The following SENP7 variants were observed in gnomAD, a reference collection of about 807,000 sequenced individuals.
SENP7 encodes the protein SUMO specific peptidase 7, also known as sentrin-specific protease 7.
Under a neutral mutation model 141.2 loss-of-function variants are expected in SENP7, and 64 were observed. That is an observed-to-expected ratio of 0.45 (90% CI 0.37 to 0.56). The LOEUF (loss-of-function observed/expected upper bound fraction) is 0.56, where lower values mean the gene tolerates loss of function less well. Ranked by LOEUF, SENP7 falls within the 20% of genes least tolerant of loss-of-function variation. The pLI, the probability that SENP7 is intolerant of heterozygous loss-of-function variation, is 0.00. For synonymous variants in SENP7, 382 were observed against 426.4 expected (o/e 0.90, Z 1.28); for missense variants, 1,025 against 1,212.2 (o/e 0.85, Z 2.29).
chr3:101,436,383 C>T (rs964675068), intron 4 of SENP7, among the ~76,000 whole-genome samples: 2 of 152,106 alleles, frequency 1.3e-5, no homozygotes, highest in Non-Finnish European at 1.5e-5. Flanking sequence ...TTCAGCAATA[C>T]CCCACAAGCA....
intron 4 of SENP7, among the ~76,000 whole-genome samples, chr3:101,422,215 T>G (rs1330844587): frequency 1.3e-5 from 2 of 152,040 alleles, no homozygotes. Context: ...GGTGGAACAG[T>G]TTCATGCCTA....
intron 4 of SENP7, among the ~76,000 whole-genome samples, chr3:101,445,904 G>A (rs1307552291): frequency 6.6e-6 from 1 of 152,104 alleles, no homozygotes; most frequent in African/African-American, 2.4e-5. Flanking sequence ...TATTATTAGA[G>A]TTAAAAAGAA....
chr3:101,328,637 T>C lies in SENP7; in HGVS notation c.2795+9A>G, dbSNP rs755912808. ...AAAAAACTGTATTATTATTACAGCA[T>C]GTACCTACCTTTTACACATTTTCTT... On this transcript the variant is annotated intron_variant, in intron 21 of 23. Coordinates refer to ENST00000394095, the MANE Select transcript of SENP7 (RefSeq NM_020654.5). 2 of 1,607,750 alleles carry C rather than the reference T, an allele frequency of 1.2e-6. No homozygotes were observed. The highest frequency in any genetic ancestry group is 1.7e-6 in the Non-Finnish European group (2 of 1,175,538).
chr3:101,354,376 T>C (rs2107292889), intron 11 of SENP7, among the ~76,000 whole-genome samples: 1 of 152,076 alleles, frequency 6.6e-6, no homozygotes, highest in East Asian at 1.9e-4. Flanking sequence ...TTAAGCCTAG[T>C]ACTCGATAGT....
chr3:101,413,962 G>T (rs2061528481), intron 5 of SENP7, among the ~76,000 whole-genome samples: 1 of 152,174 alleles, frequency 6.6e-6, no homozygotes, highest in Admixed American at 6.5e-5. Flanking sequence ...ATTGAAAGAT[G>T]TTAAACTAGT....
chr3:101,431,917 A>T (rs1015850107), intron 4 of SENP7, among the ~76,000 whole-genome samples: 1 of 152,202 alleles, frequency 6.6e-6, no homozygotes, highest in African/African-American at 2.4e-5. Flanking sequence ...CTTTGAAATT[A>T]AAAGGGGATT....
intron 6 of SENP7, among the ~76,000 whole-genome samples, chr3:101,380,008 G>C (rs879450769): frequency 6.6e-6 from 1 of 152,176 alleles, no homozygotes. Context: ...AGAACATTCT[G>C]ACACATGCTG....
chr3:101,363,803 T>A (rs1189482378), intron 10 of SENP7, among the ~76,000 whole-genome samples: 1 of 152,228 alleles, frequency 6.6e-6, no homozygotes, highest in Non-Finnish European at 1.5e-5. Context: ...CTCTTCACCA[T>A]ACTCTGCAAA....
At chr3:101,361,991 A>G in intron 10 of SENP7, 130 bp from the exon 11 acceptor site, 4 of 987,496 alleles carry the variant, frequency 4.1e-6, no homozygotes, top group Non-Finnish European at 5.6e-6. Flanking sequence ...TACTGTTCTT[A>G]CTGTGAAGAA....
At chr3:101,384,416 C>T (rs2107513446) in intron 6 of SENP7, among the ~76,000 whole-genome samples, 1 of 152,354 alleles carries the variant, frequency 6.6e-6, no homozygotes, top group Non-Finnish European at 1.5e-5. Flanking sequence ...CTAAGAGTTC[C>T]CCTAGCCAGG....
intron 5 of SENP7, among the ~76,000 whole-genome samples, chr3:101,416,628 AG>A (rs1445939122): frequency 7.9e-5 from 12 of 152,302 alleles, no homozygotes; most frequent in African/African-American, 2.9e-4. Context: ...AATTTATATC[AG>A]GTATGAGCTA....
At chr3:101,352,562 T>C (rs1044661323) in intron 11 of SENP7, among the ~76,000 whole-genome samples, 3 of 152,050 alleles carry the variant, frequency 2.0e-5, no homozygotes, top group Non-Finnish European at 2.9e-5. Context: ...AATAGGGTTG[T>C]GGAGCACCTA....
At chr3:101,442,537 GT>G (rs2062719147) in intron 4 of SENP7, among the ~76,000 whole-genome samples, 1 of 152,172 alleles carries the variant, frequency 6.6e-6, no homozygotes, top group African/African-American at 2.4e-5. Context: ...CTGCGGCCTG[GT>G]TCCTAACAGG....
intron 3 of SENP7, among the ~76,000 whole-genome samples, chr3:101,479,141 C>G (rs1003933776): frequency 3.3e-5 from 5 of 152,142 alleles, no homozygotes; most frequent in African/African-American, 1.2e-4. Flanking sequence ...AGAACTGGAA[C>G]AAAACAGGAT....
At chr3:101,478,491 C>T (rs534964665) in intron 3 of SENP7, among the ~76,000 whole-genome samples, 1 of 152,202 alleles carries the variant, frequency 6.6e-6, no homozygotes, top group African/African-American at 2.4e-5. Context: ...TGCCACTGTA[C>T]TACAGCCTGG....
chr3:101,343,426 G>C (rs1226161963), intron 14 of SENP7, among the ~76,000 whole-genome samples: 1 of 151,864 alleles, frequency 6.6e-6, no homozygotes, highest in South Asian at 2.1e-4. Context: ...TATCCACCAT[G>C]TATTATTTAT....
chr3:101,399,148 C>T, intron 5 of SENP7, 93 bp from the exon 6 acceptor site: 1 of 764,796 alleles, frequency 1.3e-6, no homozygotes, highest in Non-Finnish European at 1.9e-6. Flanking sequence ...TCATTGCCAT[C>T]TTAGCACAAG....
At chr3:101,335,884 C>T (rs2059171817) in intron 17 of SENP7, among the ~76,000 whole-genome samples, 1 of 152,172 alleles carries the variant, frequency 6.6e-6, no homozygotes, top group African/African-American at 2.4e-5. Flanking sequence ...TTGCAGTTTT[C>T]TCCTTAACTG....
At chr3:101,426,259 C>T (rs750292873) in intron 4 of SENP7, among the ~76,000 whole-genome samples, 1 of 152,050 alleles carries the variant, frequency 6.6e-6, no homozygotes, top group African/African-American at 2.4e-5. Flanking sequence ...ACATAATCAT[C>T]AGATTCTCCA....
Sources: gnomAD v4.1 joint callset for allele counts (sites outside exome capture counted in the v4.1 genomes callset) on GRCh38, gnomAD v4.1.1 for gene constraint, MANE v1.5 for transcripts, NCBI Gene and HGNC (gene_info 2026-07-23, HGNC 2026-07-21) for gene names.